RPS6KC1: variants seen among roughly 807,000 people sequenced by gnomAD.
The protein encoded by RPS6KC1 is inactive ribosomal protein S6 kinase delta-1.
In RPS6KC1, 54 loss-of-function variants were observed where a neutral mutation model predicts 103.8. The ratio of observed to expected loss-of-function variants is 0.52; its 90% CI spans 0.42 to 0.65. RPS6KC1 has a LOEUF of 0.65. Among genes scored for constraint, RPS6KC1 ranks in the 30% least tolerant of loss-of-function variants. The pLI is 0.00. For synonymous variants in RPS6KC1, 439 were observed against 438.7 expected (o/e 1.00, Z -0.01); for missense variants, 1,151 against 1,253.8 (o/e 0.92, Z 1.24).
chr1:213,214,664 C>T (rs1184126917), intron 8 of RPS6KC1, among the ~76,000 whole-genome samples: 1 of 152,180 alleles, frequency 6.6e-6, no homozygotes, highest in Non-Finnish European at 1.5e-5. Flanking sequence ...GCCGGGTACT[C>T]CTCTGAGACA....
At chr1:213,265,058 A>G (rs756025061) in intron 14 of RPS6KC1, among the ~76,000 whole-genome samples, 5 of 152,206 alleles carry the variant, frequency 3.3e-5, no homozygotes, top group Non-Finnish European at 7.3e-5. Flanking sequence ...TGTGAGGAAA[A>G]GACCAAAACA....
the RPS6KC1 span, among the ~76,000 whole-genome samples, chr1:213,649,045 C>T: frequency 2.6e-5 from 4 of 152,210 alleles, no homozygotes; most frequent in South Asian, 8.3e-4. Context: ...CTCTCACTTG[C>T]CTCACCTCCG....
the RPS6KC1 span, among the ~76,000 whole-genome samples, chr1:213,430,711 AT>A: frequency 6.6e-6 from 1 of 152,182 alleles, no homozygotes; most frequent in East Asian, 1.9e-4. Context: ...CCTGTTGTAA[AT>A]TGTAAATCAT....
At chr1:213,601,120 G>T in the RPS6KC1 span, among the ~76,000 whole-genome samples, 1 of 152,092 alleles carries the variant, frequency 6.6e-6, no homozygotes, top group East Asian at 1.9e-4. Flanking sequence ...GAAAAAATTT[G>T]ATAAAACAGG....
At chr1:213,209,893 C>T (rs1447140175) in intron 8 of RPS6KC1, among the ~76,000 whole-genome samples, 3 of 151,904 alleles carry the variant, frequency 2.0e-5, no homozygotes, top group African/African-American at 7.2e-5. Flanking sequence ...TCTTTTTAGA[C>T]TATATAGGAC....
chr1:213,204,239 CTT>C (rs939912286), intron 8 of RPS6KC1, among the ~76,000 whole-genome samples: 2 of 152,152 alleles, frequency 1.3e-5, no homozygotes, highest in African/African-American at 4.8e-5. Context: ...GTTGAATTGA[CTT>C]TTGTTGAATT....
At chr1:213,260,251 C>A (rs2094753520) in intron 12 of RPS6KC1, among the ~76,000 whole-genome samples, 1 of 152,082 alleles carries the variant, frequency 6.6e-6, no homozygotes, top group Admixed American at 6.5e-5. Context: ...TAGTTGAGAG[C>A]AGCTAGTTGG....
intron 12 of RPS6KC1, among the ~76,000 whole-genome samples, chr1:213,260,277 A>G (rs1319823883): frequency 1.3e-5 from 2 of 152,108 alleles, no homozygotes; most frequent in Non-Finnish European, 2.9e-5. Context: ...GGAAATTGTG[A>G]TTTGGCATGA....
At chr1:213,786,876 T>A in the RPS6KC1 span, among the ~76,000 whole-genome samples, 1 of 152,158 alleles carries the variant, frequency 6.6e-6, no homozygotes, top group Non-Finnish European at 1.5e-5. Flanking sequence ...CCAAATGACA[T>A]CATCAGGTAG....
At chr1:213,473,858 T>C in the RPS6KC1 span, among the ~76,000 whole-genome samples, 1 of 152,156 alleles carries the variant, frequency 6.6e-6, no homozygotes, top group African/African-American at 2.4e-5. Context: ...GTTTGAAGAA[T>C]TGGAATCTAG....
At chr1:213,642,102 T>A in the RPS6KC1 span, among the ~76,000 whole-genome samples, 1 of 151,998 alleles carries the variant, frequency 6.6e-6, no homozygotes, top group Non-Finnish European at 1.5e-5. Context: ...GACTAGAGGG[T>A]TTCTCCTGAA....
At chr1:213,066,818 G>T (rs569397834) in intron 1 of RPS6KC1, among the ~76,000 whole-genome samples, 41 of 152,292 alleles carry the variant, frequency 2.7e-4, no homozygotes, top group Admixed American at 2.2e-3. Flanking sequence ...TGGATGCAGT[G>T]ATCTGGTGAA....
At chr1:213,426,466 C>T in the RPS6KC1 span, among the ~76,000 whole-genome samples, 1 of 152,138 alleles carries the variant, frequency 6.6e-6, no homozygotes, top group Non-Finnish European at 1.5e-5. Flanking sequence ...GTCTCCTTCC[C>T]CCGTAACTAG....
At chr1:213,579,263 A>G in the RPS6KC1 span, among the ~76,000 whole-genome samples, 3 of 152,050 alleles carry the variant, frequency 2.0e-5, no homozygotes, top group Non-Finnish European at 4.4e-5. Context: ...TATCTTTATA[A>G]ATTACCCTGT....
At chr1:213,289,364 A>G in the RPS6KC1 span, among the ~76,000 whole-genome samples, 4 of 152,144 alleles carry the variant, frequency 2.6e-5, no homozygotes, top group Admixed American at 1.3e-4. Flanking sequence ...TTTTGTAAAG[A>G]AATTTTTTTT....
chr1:213,402,859 C>CT, the RPS6KC1 span, among the ~76,000 whole-genome samples: 7 of 149,504 alleles, frequency 4.7e-5, no homozygotes, highest in East Asian at 1.0e-3. Context: ...AAAAAATATA[C>CT]TTTTTTTGGG....
intron 6 of RPS6KC1, among the ~76,000 whole-genome samples, chr1:213,152,320 G>A: frequency 6.7e-6 from 1 of 149,884 alleles, no homozygotes; most frequent in African/African-American, 2.5e-5. Context: ...GGCTGGCCGG[G>A]CAGGGGGCTG....
At chr1:213,168,540 C>A (rs959753143) in intron 7 of RPS6KC1, among the ~76,000 whole-genome samples, 55 of 142,236 alleles carry the variant, frequency 3.9e-4, no homozygotes, top group African/African-American at 1.7e-3. Flanking sequence ...CTGGAGGAAA[C>A]TTTTCTGTTA....
At chr1:213,857,600 T>C in the RPS6KC1 span, among the ~76,000 whole-genome samples, 4 of 152,222 alleles carry the variant, frequency 2.6e-5, no homozygotes, top group African/African-American at 9.6e-5. Flanking sequence ...AACAGGCCCA[T>C]TGAAGTAACA....
Sources: gnomAD v4.1 joint callset for allele counts (sites outside exome capture counted in the v4.1 genomes callset) on GRCh38, gnomAD v4.1.1 for gene constraint, MANE v1.5 for transcripts, NCBI Gene and HGNC (gene_info 2026-07-23, HGNC 2026-07-21) for gene names.